Variants in RPA2 observed in about 807,000 individuals in gnomAD.
The protein encoded by RPA2 is replication protein A2.
RPA2 carries 22 observed loss-of-function variants against 33.4 expected under a neutral mutation model. The ratio of observed to expected loss-of-function variants is 0.66; its 90% CI spans 0.47 to 0.94. RPA2 has a LOEUF of 0.94. Among genes scored for constraint, RPA2 ranks in the 40% least tolerant of loss-of-function variants. RPA2 has a pLI of 0.00. For missense variants in RPA2, 279 were observed against 329.9 expected (o/e 0.85, Z 1.19); for synonymous variants, 109 against 114.9 (o/e 0.95, Z 0.33).
chr1:27,903,028 C>G (rs1416765066), intron 4 of RPA2, among the ~76,000 whole-genome samples: 1 of 150,064 alleles, frequency 6.7e-6, no homozygotes, highest in East Asian at 1.9e-4. Context: ...CTCCCAGCTT[C>G]AACTGATTCT....
intron 8 of RPA2, 37 bp from the exon 9 acceptor site, chr1:27,892,284 G>T: frequency 6.4e-7 from 1 of 1,572,100 alleles, no homozygotes; most frequent in Non-Finnish European, 8.7e-7. Flanking sequence ...GTCATTTTCA[G>T]GCCAATTCAG....
chr1:27,897,267 G>A, intron 5 of RPA2, 146 bp from the exon 6 acceptor site: 1 of 587,046 alleles, frequency 1.7e-6, no homozygotes, highest in South Asian at 2.5e-5. Flanking sequence ...TTCCAAATAT[G>A]GTCAAACATG....
intron 2 of RPA2, 33 bp downstream of exon 2, chr1:27,914,030 A>G: frequency 1.3e-6 from 2 of 1,536,900 alleles, no homozygotes; most frequent in Non-Finnish European, 1.8e-6. Context: ...TCAGGACAGG[A>G]TAAAACAAAA....
chr1:27,894,890 C>A (rs1231072533), intron 6 of RPA2, among the ~76,000 whole-genome samples: 1 of 152,174 alleles, frequency 6.6e-6, no homozygotes, highest in African/African-American at 2.4e-5. Flanking sequence ...CCTCAGCCCA[C>A]CATATTTGGG....
At chr1:27,906,387 C>T (rs1191117832) in intron 4 of RPA2, among the ~76,000 whole-genome samples, 3 of 150,910 alleles carry the variant, frequency 2.0e-5, no homozygotes, top group African/African-American at 7.3e-5. Flanking sequence ...ACCAAACAAA[C>T]AAACAAACAA....
intron 4 of RPA2, 41 bp from the exon 5 acceptor site, chr1:27,897,748 G>T: frequency 7.2e-7 from 1 of 1,392,638 alleles, no homozygotes; most frequent in African/African-American, 1.4e-5. Context: ...TTTTAGTGAT[G>T]CTGGTAAAAG....
At chr1:27,892,472 G>C (rs1279289078) in intron 8 of RPA2, among the ~76,000 whole-genome samples, 1 of 152,126 alleles carries the variant, frequency 6.6e-6, no homozygotes, top group Non-Finnish European at 1.5e-5. Context: ...GGCTGTCTTG[G>C]ATCCCTCTCC....
At chr1:27,914,241 C>T in intron 1 of RPA2, 72 bp from the exon 2 acceptor site, 1 of 1,601,034 alleles carries the variant, frequency 6.2e-7, no homozygotes, top group Non-Finnish European at 8.5e-7. Context: ...CTCCCGGAGG[C>T]TTCGCCCCTT....
intron 8 of RPA2, among the ~76,000 whole-genome samples, chr1:27,893,147 C>G (rs17185038): frequency 0.044 from 6,752 of 152,280 alleles, 236 homozygotes; most frequent in Middle Eastern, 0.078. Flanking sequence ...ATAATGAAAT[C>G]AGGTCAACTT....
At chr1:27,901,117 A>C (rs28905169) in intron 4 of RPA2, among the ~76,000 whole-genome samples, 2,123 of 152,334 alleles carry the variant, frequency 0.014, 44 homozygotes, top group African/African-American at 0.047. Flanking sequence ...ACTGTAAGTA[A>C]AATGCTATCA....
Position 27,914,131 on chromosome 1 carries a change from C to T in RPA2, c.49G>A (p.Ala17Thr), listed in dbSNP as rs1248396349. ...CCCGGGGACTGCGTGTAGCCGCCGG[C>T]TCCCCCGTATGAGGAGCTGCCATAG... ...ESYGSSSYGG[A>T]GGYTQSPGGF... is the part of the protein sequence containing the mutation. Residue 17 changes from alanine (A) to threonine (T), a missense_variant, in exon 2 of 9, where the codon GCC (alanine) becomes ACC (threonine). Transcript: ENST00000373912. 9 of 1,612,782 alleles carry T rather than the reference C, an allele frequency of 5.6e-6. No individual in the cohort carries two copies. In the South Asian group the frequency reaches 8.8e-5, roughly 16 times the overall value.
rs1189989094 is a variant in RPA2 at position 27,893,918 on chromosome 1, T to A, written c.728+94A>T. 4 of 1,099,060 alleles carry A rather than the reference T, an allele frequency of 3.6e-6. No individual in the cohort carries two copies. The African/African-American group carries it at 6.2e-5, about 17-fold the overall frequency. The allele number at this position is 1,099,060 out of a possible 1,614,324, so 68.1% of individuals were successfully genotyped here. Reference sequence around the variant, plus strand: ...GCCACCATGCCCGGCTGCCAAGTTTTACTTTTTAAACCCACTTCTCACTAT... The same window carrying A: ...GCCACCATGCCCGGCTGCCAAGTTTAACTTTTTAAACCCACTTCTCACTAT... On this transcript the variant is annotated intron_variant, in intron 8 of 8. Coordinates refer to ENST00000373912, the MANE Select transcript of RPA2 (RefSeq NM_002946.5).
chr1:27,914,662 C>G, upstream of RPA2: 2 of 1,613,432 alleles, frequency 1.2e-6, no homozygotes, highest in Non-Finnish European at 1.7e-6. Flanking sequence ...TCTGCCCATG[C>G]TCCAGAAAAC....
At chr1:27,910,757 G>A (rs2090086279) in intron 2 of RPA2, among the ~76,000 whole-genome samples, 1 of 152,174 alleles carries the variant, frequency 6.6e-6, no homozygotes, top group Non-Finnish European at 1.5e-5. Flanking sequence ...CTACTTGGGA[G>A]GCTGAGATGG....
Position 27,892,057 on chromosome 1 carries a change from A to C in RPA2, c.*106T>G. ...TCAGAGGAGACATTTGATAGATGAA[A>C]CCTACTTCCTAGAAGCCCCCTGGCC... On this transcript the variant is annotated 3_prime_UTR_variant, in exon 9 of 9. Coordinates refer to ENST00000373912, the MANE Select transcript of RPA2 (RefSeq NM_002946.5). 1 of 779,220 alleles carries C rather than the reference A, an allele frequency of 1.3e-6. No individual in the cohort carries two copies. Among genetic ancestry groups the C allele is most frequent in the Non-Finnish European group, 2.1e-6 (1 of 470,940 alleles). 48.3% of individuals were successfully genotyped at this position (779,220 alleles called of 1,614,324 possible). A position where few individuals can be genotyped will look rare whatever the true frequency, so the allele number is the denominator to read the frequency against.
At chr1:27,914,360 G>C in intron 1 of RPA2, 74 bp downstream of exon 1, 2 of 1,613,904 alleles carry the variant, frequency 1.2e-6, no homozygotes, top group Non-Finnish European at 1.7e-6. Context: ...CACGCCTCTC[G>C]GACCCTAGGC....
chr1:27,897,890 A>T (rs1173077425), intron 4 of RPA2, among the ~76,000 whole-genome samples, 183 bp from the exon 5 acceptor site: 1 of 152,258 alleles, frequency 6.6e-6, no homozygotes, highest in Non-Finnish European at 1.5e-5. Context: ...GAATTAGAAT[A>T]AAAATATCTC....
chr1:27,899,956 A>C (rs932131501), intron 4 of RPA2, among the ~76,000 whole-genome samples: 1 of 152,182 alleles, frequency 6.6e-6, no homozygotes, highest in Non-Finnish European at 1.5e-5. Flanking sequence ...CTGGGATTAC[A>C]GGCGTGAGCC....
chr1:27,910,146 A>G (rs1040670593), intron 2 of RPA2, among the ~76,000 whole-genome samples: 7 of 152,220 alleles, frequency 4.6e-5, no homozygotes, highest in African/African-American at 1.7e-4. Context: ...TGGCAAGAAC[A>G]TGAGGTTTGG....
Sources: allele counts gnomAD v4.1 joint callset (sites outside exome capture counted in the v4.1 genomes callset), GRCh38; gene constraint gnomAD v4.1.1; transcripts MANE v1.5; gene names NCBI Gene and HGNC (gene_info 2026-07-23, HGNC 2026-07-21).